The following DOCK1 variants were observed in gnomAD, a reference collection of about 807,000 sequenced individuals.
The protein encoded by DOCK1 is dedicator of cytokinesis 1.
A neutral mutation model predicts 262.7 loss-of-function variants in DOCK1; 138 were observed. That is an observed-to-expected ratio of 0.53 (90% CI 0.46 to 0.61). The LOEUF (loss-of-function observed/expected upper bound fraction) is 0.61, where lower values mean the gene tolerates loss of function less well. DOCK1 is among the 20% of genes least tolerant of loss of function. DOCK1 has a pLI of 0.00. For synonymous variants in DOCK1, 866 were observed against 867.4 expected (o/e 1.00, Z 0.03); for missense variants, 1,908 against 2,370.7 (o/e 0.80, Z 4.05).
intron 29 of DOCK1, among the ~76,000 whole-genome samples, chr10:127,302,221 G>C (rs1218429675): frequency 6.6e-6 from 1 of 152,126 alleles, no homozygotes; most frequent in African/African-American, 2.4e-5. Context: ...CCATGTACCT[G>C]AGTCCCAAGG....
chr10:127,093,541 A>G (rs2047712292), intron 23 of DOCK1, among the ~76,000 whole-genome samples: 1 of 151,558 alleles, frequency 6.6e-6, no homozygotes, highest in South Asian at 2.1e-4. Context: ...TTTGGTAGAG[A>G]CTGGGTTTCG....
intron 25 of DOCK1, among the ~76,000 whole-genome samples, chr10:127,114,857 A>G (rs137931355): frequency 4.4e-4 from 66 of 150,944 alleles, no homozygotes; most frequent in South Asian, 6.3e-4. Context: ...CCCGGGTTCA[A>G]TCGATTCTCC....
chr10:127,284,578 A>G (rs985402936), intron 29 of DOCK1, among the ~76,000 whole-genome samples: 33 of 152,184 alleles, frequency 2.2e-4, no homozygotes, highest in African/African-American at 7.7e-4. Context: ...TTTCTGGGCA[A>G]TTTGTTGCTT....
At chr10:127,252,052 T>C (rs962426227) in intron 28 of DOCK1, among the ~76,000 whole-genome samples, 7 of 151,220 alleles carry the variant, frequency 4.6e-5, no homozygotes, top group Admixed American at 4.0e-4. Flanking sequence ...CACCTGTTGT[T>C]TCCTGACTTT....
At chr10:127,373,652 G>A (rs1414308606) in intron 33 of DOCK1, 129 bp from the exon 34 acceptor site, 1 of 799,876 alleles carries the variant, frequency 1.3e-6, no homozygotes, top group East Asian at 2.7e-5. Flanking sequence ...ACTCTTAAAT[G>A]AGGCTTCAAA....
At chr10:127,393,173 C>T (rs12240408) in intron 38 of DOCK1, among the ~76,000 whole-genome samples, 43,850 of 151,980 alleles carry the variant, frequency 0.29, 6,978 homozygotes, top group Admixed American at 0.46. Flanking sequence ...GGGGAAACAA[C>T]GCAATTCCAG....
intron 1 of DOCK1, among the ~76,000 whole-genome samples, chr10:126,938,737 TCCAGAGGG>T: frequency 6.6e-6 from 1 of 151,710 alleles, no homozygotes; most frequent in South Asian, 2.1e-4. Flanking sequence ...TGCTACATTC[TCCAGAGGG>T]GATGAACACC....
intron 3 of DOCK1, among the ~76,000 whole-genome samples, chr10:126,979,497 C>T (rs1591517258): frequency 6.6e-6 from 1 of 152,200 alleles, no homozygotes; most frequent in Non-Finnish European, 1.5e-5. Flanking sequence ...ACAACTGCCA[C>T]ATCCTGGGCT....
intron 27 of DOCK1, among the ~76,000 whole-genome samples, chr10:127,242,622 C>T (rs1393147671): frequency 6.6e-6 from 1 of 152,104 alleles, no homozygotes; most frequent in Non-Finnish European, 1.5e-5. Flanking sequence ...AAAAATCATC[C>T]AGAAGTCATC....
chr10:126,949,549 G>T (rs2035996306), intron 1 of DOCK1, among the ~76,000 whole-genome samples: 1 of 152,080 alleles, frequency 6.6e-6, no homozygotes. Context: ...CTTAATTTCA[G>T]AGCAGCAAGG....
At chr10:126,951,119 G>A (rs1241121643) in intron 1 of DOCK1, among the ~76,000 whole-genome samples, 1 of 151,874 alleles carries the variant, frequency 6.6e-6, no homozygotes, top group East Asian at 1.9e-4. Flanking sequence ...GTTGTTGGTA[G>A]TATTGTTGGT....
chr10:127,423,738 G>A lies in DOCK1; in HGVS notation c.4777-2136G>A, dbSNP rs904744550. Among the ~76,000 whole-genome samples, 6 of 152,222 alleles carry A rather than the reference G, an allele frequency of 3.9e-5. 1 individual carries two copies. In the South Asian group the frequency reaches 1.2e-3, roughly 31 times the overall value. On this transcript the variant is annotated intron_variant, in intron 46 of 51. Transcript: ENST00000623213. Reference sequence around the variant, plus strand: ...TGTGTCCAGGGGTGGTGCTCCTGGAGCATTAAGCAAGGCTTCCAGATGTTC... The same window carrying A: ...TGTGTCCAGGGGTGGTGCTCCTGGAACATTAAGCAAGGCTTCCAGATGTTC...
rs187039444 is a variant in DOCK1, at chr10:126,971,040, G to A, written c.130+255G>A. On this transcript the variant is annotated intron_variant, in intron 2 of 51. Coordinates refer to ENST00000623213, the MANE Select transcript of DOCK1 (RefSeq NM_001290223.2). ...TCCTTGGCTCCTTATTTTCAAGCATGTGTAAATCTTTTTTTTTTTTTTCCT... is the reference window on the plus strand; with the variant it reads ...TCCTTGGCTCCTTATTTTCAAGCATATGTAAATCTTTTTTTTTTTTTTCCT... Among the ~76,000 whole-genome samples, 153 of 151,204 alleles carry A rather than the reference G, an allele frequency of 1.0e-3. 1 individual carries two copies. The highest frequency in any genetic ancestry group is 3.6e-3 in the African/African-American group (149 of 41,266).
intron 29 of DOCK1, among the ~76,000 whole-genome samples, chr10:127,302,136 C>T (rs2061703099): frequency 6.6e-6 from 1 of 151,836 alleles, no homozygotes; most frequent in African/African-American, 2.4e-5. Context: ...TTTTCCACAG[C>T]CTGTGTTTCC....
intron 1 of DOCK1, among the ~76,000 whole-genome samples, chr10:126,919,464 C>T (rs546786275): frequency 1.1e-4 from 16 of 152,258 alleles, no homozygotes; most frequent in African/African-American, 3.8e-4. Flanking sequence ...TTCCTCCAGG[C>T]ACCGTGGCCA....
At position 127,186,517 on chromosome 10, in the gene DOCK1, C is replaced by CCCA. The variant is rs2056272085; in HGVS notation, c.2847+58755_2847+58756insACC. The stretch of plus-strand genomic sequence containing the variant: ...AGCATGGGAGAAACCGCCCCCCCGC[C>CCCA]CCCCCCCGATCCAGTTACCTCCACC... On this transcript the variant is annotated intron_variant, in intron 27 of 51. Transcript: ENST00000623213. Among the ~76,000 whole-genome samples, 2 of 70,300 alleles carry CCCA rather than the reference C, an allele frequency of 2.8e-5. 1 individual carries two copies. Among genetic ancestry groups the CCCA allele is most frequent in the African/African-American group, 8.9e-5 (2 of 22,484 alleles). 46.1% of individuals were successfully genotyped at this position (70,300 alleles called of 152,430 possible). A position where few individuals can be genotyped will look rare whatever the true frequency, so the allele number is the denominator to read the frequency against.
chr10:127,082,128 G>A (rs1382701754), intron 23 of DOCK1, among the ~76,000 whole-genome samples: 1 of 152,152 alleles, frequency 6.6e-6, no homozygotes, highest in South Asian at 2.1e-4. Flanking sequence ...GGCTGGGGAA[G>A]GTTAATTGTA....
chr10:127,267,402 T>C (rs1299780574), intron 29 of DOCK1, among the ~76,000 whole-genome samples: 1 of 152,254 alleles, frequency 6.6e-6, no homozygotes, highest in African/African-American at 2.4e-5. Context: ...TTTACCTGGT[T>C]GTTTATAACC....
intron 23 of DOCK1, among the ~76,000 whole-genome samples, chr10:127,099,946 T>C (rs1485322142): frequency 6.6e-6 from 1 of 152,056 alleles, no homozygotes; most frequent in African/African-American, 2.4e-5. Context: ...GGGAATAGCA[T>C]GTGCTCAAGC....
Sources: gnomAD v4.1 joint callset for allele counts (sites outside exome capture counted in the v4.1 genomes callset) on GRCh38, gnomAD v4.1.1 for gene constraint, MANE v1.5 for transcripts, NCBI Gene and HGNC (gene_info 2026-07-23, HGNC 2026-07-21) for gene names.